Variants in FER observed in about 807,000 individuals in gnomAD.
FER encodes FER tyrosine kinase.
FER carries 63 observed loss-of-function variants against 111.0 expected under a neutral mutation model. That is an observed-to-expected ratio of 0.57 (90% CI 0.46 to 0.70). FER has a LOEUF of 0.70. Ranked by LOEUF, FER falls within the 30% of genes least tolerant of loss-of-function variation. The probability of loss-of-function intolerance (pLI) is 0.00; values close to 1 mark genes in which losing one functional copy is unlikely to be tolerated. For missense variants in FER, 914 were observed against 954.0 expected (o/e 0.96, Z 0.55); for synonymous variants, 327 against 313.9 (o/e 1.04, Z -0.44).
chr5:109,065,316 T>G (rs2149977922), intron 16 of FER, among the ~76,000 whole-genome samples: 1 of 152,302 alleles, frequency 6.6e-6, no homozygotes, highest in South Asian at 2.1e-4. Context: ...AAAGTGAATA[T>G]TCTGTTTTAT....
intron 11 of FER, among the ~76,000 whole-genome samples, chr5:108,947,499 T>C (rs1054520050): frequency 1.4e-4 from 21 of 152,098 alleles, no homozygotes; most frequent in African/African-American, 5.1e-4. Context: ...ATATGTGTTC[T>C]TTGGAGATGT....
chr5:108,810,801 G>T (rs1248099533), intron 3 of FER, among the ~76,000 whole-genome samples: 1 of 152,180 alleles, frequency 6.6e-6, no homozygotes, highest in Non-Finnish European at 1.5e-5. Context: ...TAGGTGAGCA[G>T]GTGTTTCAGC....
rs1295663411 is a variant in FER, at chr5:108,832,842, T to A, written c.280T>A (p.Ser94Thr). Residue 94 changes from serine (S) to threonine (T), a missense_variant, in exon 4 of 20, where the codon TCT (serine) becomes ACT (threonine). Ser to Thr is a moderately conservative substitution (Grantham distance 58). Coordinates refer to ENST00000281092, the MANE Select transcript of FER (RefSeq NM_005246.4). ...IMKTHAEDLN[S>T]GPLHRLTMMI... is the part of the protein sequence containing the mutation. ...GAAGACACATGCAGAGGACTTGAAC[T>A]CTGGACCTTTACACAGGCTCACCAT... The A allele has an allele frequency of 6.2e-7, 1 of 1,609,568 alleles. No individual in the cohort carries two copies. The highest frequency in any genetic ancestry group is 8.5e-7 in the Non-Finnish European group (1 of 1,177,438).
At chr5:109,022,579 T>A (rs1270956819) in intron 13 of FER, among the ~76,000 whole-genome samples, 2 of 152,096 alleles carry the variant, frequency 1.3e-5, no homozygotes, top group East Asian at 3.8e-4. Flanking sequence ...TTTACATATT[T>A]AGACATGTGA....
chr5:109,147,735 G>A (rs1329672445), intron 17 of FER, among the ~76,000 whole-genome samples: 2 of 143,160 alleles, frequency 1.4e-5, no homozygotes, highest in African/African-American at 5.2e-5. Flanking sequence ...ATACAAACAT[G>A]CAAACATGTA....
intron 10 of FER, among the ~76,000 whole-genome samples, chr5:108,912,795 G>C (rs1172288313): frequency 3.3e-5 from 5 of 152,200 alleles, no homozygotes; most frequent in Non-Finnish European, 7.3e-5. Flanking sequence ...GGTATTACCT[G>C]GGCTGGTTGT....
intron 9 of FER, among the ~76,000 whole-genome samples, chr5:108,894,806 C>T (rs1198291747): frequency 1.3e-5 from 2 of 151,990 alleles, no homozygotes; most frequent in African/African-American, 2.4e-5. Flanking sequence ...AGGGGATCCC[C>T]CTTATGAAAC....
chr5:108,940,761 C>A (rs778810524), intron 10 of FER, among the ~76,000 whole-genome samples: 1 of 152,050 alleles, frequency 6.6e-6, no homozygotes, highest in Non-Finnish European at 1.5e-5. Flanking sequence ...TTGAGAGATA[C>A]TTCAGATGAA....
rs1759040889 is a variant in FER, at chr5:109,187,753, T to TTAAA, written c.*179_*182dup. 2.7e-6 allele frequency: 2 copies of TTAAA among 752,554 alleles called. No individual in the cohort carries two copies. The highest frequency in any genetic ancestry group is 3.5e-5 in the African/African-American group (2 of 56,588). The allele number at this position is 752,554 out of a possible 1,614,324, so 46.6% of individuals were successfully genotyped here. A position where few individuals can be genotyped will look rare whatever the true frequency, so the allele number is the denominator to read the frequency against. ...TTGTAAAAAGTCAAAGGCAAATTTG[T>TTAAA]TAAAGAAATAGGCAGTCCTACCAAG... On this transcript the variant is annotated 3_prime_UTR_variant, in exon 20 of 20. Transcript: ENST00000281092.
intron 17 of FER, among the ~76,000 whole-genome samples, chr5:109,131,618 G>A (rs17534957): frequency 0.11 from 16,642 of 151,958 alleles, 906 homozygotes; most frequent in Non-Finnish European, 0.12. Context: ...GATGAGATCA[G>A]TAATGTATTT....
intron 17 of FER, among the ~76,000 whole-genome samples, chr5:109,171,303 C>T (rs1757071330): frequency 6.6e-6 from 1 of 152,116 alleles, no homozygotes; most frequent in African/African-American, 2.4e-5. Flanking sequence ...ATATGGAACA[C>T]ATAAGCTTAT....
chr5:109,179,992 C>G (rs1379006133), intron 17 of FER, among the ~76,000 whole-genome samples: 1 of 152,132 alleles, frequency 6.6e-6, no homozygotes, highest in East Asian at 1.9e-4. Flanking sequence ...GAGGAGCCAG[C>G]TATGCAAAAC....
chr5:109,054,367 C>T (rs1469494914), intron 16 of FER, among the ~76,000 whole-genome samples: 1 of 152,140 alleles, frequency 6.6e-6, no homozygotes, highest in Non-Finnish European at 1.5e-5. Context: ...TGCCCTTTCC[C>T]ATTGAATAAT....
intron 10 of FER, among the ~76,000 whole-genome samples, chr5:108,900,683 C>T (rs1355746880): frequency 1.3e-5 from 2 of 151,934 alleles, no homozygotes; most frequent in East Asian, 1.9e-4. Flanking sequence ...CTGAAAATAC[C>T]GACTCTTCGG....
At chr5:109,028,940 C>T (rs549633805) in intron 13 of FER, among the ~76,000 whole-genome samples, 103 of 152,296 alleles carry the variant, frequency 6.8e-4, no homozygotes, top group Admixed American at 1.4e-3. Flanking sequence ...AAACCAGGCA[C>T]CATGTGCATA....
intron 12 of FER, among the ~76,000 whole-genome samples, chr5:108,958,961 T>G (rs1046058737): frequency 5.8e-4 from 88 of 151,994 alleles, no homozygotes; most frequent in African/African-American, 2.1e-3. Flanking sequence ...TTTTTATTTT[T>G]CAACAATTTG....
intron 17 of FER, among the ~76,000 whole-genome samples, chr5:109,173,626 T>G (rs1757366618): frequency 2.0e-5 from 3 of 152,158 alleles, no homozygotes; most frequent in Admixed American, 6.5e-5. Flanking sequence ...TCAACCAGTT[T>G]TCTCTTATTT....
intron 13 of FER, among the ~76,000 whole-genome samples, chr5:109,024,127 C>T (rs1192750420): frequency 6.6e-6 from 1 of 152,162 alleles, no homozygotes; most frequent in Non-Finnish European, 1.5e-5. Flanking sequence ...CAAGCTCAAG[C>T]AGTTTCGCTC....
chr5:108,830,007 A>G (rs1759870315), intron 3 of FER, among the ~76,000 whole-genome samples: 1 of 152,238 alleles, frequency 6.6e-6, no homozygotes, highest in Admixed American at 6.5e-5. Context: ...AGGTAGAGGT[A>G]GAAACTTTCA....
Sources: gnomAD v4.1 joint callset for allele counts (sites outside exome capture counted in the v4.1 genomes callset) on GRCh38, gnomAD v4.1.1 for gene constraint, MANE v1.5 for transcripts, NCBI Gene and HGNC (gene_info 2026-07-23, HGNC 2026-07-21) for gene names.